Variants in GNAQ observed in about 807,000 individuals in gnomAD.
The protein encoded by GNAQ is G protein subunit alpha q.
GNAQ carries 8 observed loss-of-function variants against 43.9 expected under a neutral mutation model. That is an observed-to-expected ratio of 0.18 (90% CI 0.11 to 0.33). The LOEUF (loss-of-function observed/expected upper bound fraction) is 0.33, where lower values mean the gene tolerates loss of function less well. Ranked by LOEUF, GNAQ falls within the 10% of genes least tolerant of loss-of-function variation. GNAQ has a pLI of 1.00. For synonymous variants in GNAQ, 155 were observed against 170.7 expected (o/e 0.91, Z 0.71); for missense variants, 158 against 450.8 (o/e 0.35, Z 5.88).
At position 77,823,849 on chromosome 9, in the gene GNAQ, A is replaced by T. The variant is rs193195754; in HGVS notation, c.322-8079T>A. Among the ~76,000 whole-genome samples the T allele has an allele frequency of 1.7e-4, 26 of 152,310 alleles. No individual in the cohort carries two copies. The East Asian group carries it at 5.0e-3, about 29-fold the overall frequency. ...AATTTAAGATGAGGTTTGGGTGGGG[A>T]CACAGAGCCAAACCATATCAATGTT... is the stretch of plus-strand genomic sequence containing the variant. On this transcript the variant is annotated intron_variant, in intron 2 of 6. Transcript: ENST00000286548.
intron 2 of GNAQ, among the ~76,000 whole-genome samples, chr9:77,822,092 TA>T (rs1185702646): frequency 6.6e-6 from 1 of 152,170 alleles, no homozygotes; most frequent in Non-Finnish European, 1.5e-5. Context: ...ACAGAAGTTA[TA>T]AAAAGGCAAT....
chr9:77,957,124 C>T lies in GNAQ; in HGVS notation c.137-34779G>A, dbSNP rs1045987716. Among the ~76,000 whole-genome samples, 4 of 152,084 alleles carry T rather than the reference C, an allele frequency of 2.6e-5. No homozygotes were observed. The East Asian group carries it at 5.8e-4, about 22-fold the overall frequency. On this transcript the variant is annotated intron_variant, in intron 1 of 6. Coordinates refer to ENST00000286548, the MANE Select transcript of GNAQ (RefSeq NM_002072.5). ...CTGTCATCCTAGCACTTGGGGAGGC[C>T]GAGGCAGGCGGTCACGAGGTCAGAA...
At chr9:77,849,738 C>T (rs1251971055) in intron 2 of GNAQ, among the ~76,000 whole-genome samples, 1 of 152,172 alleles carries the variant, frequency 6.6e-6, no homozygotes, top group Non-Finnish European at 1.5e-5. Context: ...ACAATCATGG[C>T]TCACTGCAAC....
chr9:77,728,671 G>GAAAAAA lies in GNAQ; in HGVS notation c.736-10_736-5dup. On this transcript the variant is annotated splice_polypyrimidine_tract_variant and splice_region_variant and intron_variant, in intron 5 of 6. Coordinates refer to ENST00000286548, the MANE Select transcript of GNAQ (RefSeq NM_002072.5). ...CCTTGCTTTCCTCCATTCGGTTCTG[G>GAAAAAA]AAAAAAAAAAAAAATCAGAAAAAAC... is the stretch of plus-strand genomic sequence containing the variant. The GAAAAAA allele has an allele frequency of 7.5e-7, 1 of 1,328,526 alleles. No individual in the cohort carries two copies. The allele number at this position is 1,328,526 out of a possible 1,614,324, so 82.3% of individuals were successfully genotyped here. A position where few individuals can be genotyped will look rare whatever the true frequency, so the allele number is the denominator to read the frequency against.
rs1825255487 is a variant in GNAQ at position 77,718,302 on chromosome 9, A to G, written c.*3021T>C. ...CATGAGTAAACTTTGTTTTTATACAAAACTGAAAAGAATCCCGTCCCGCCC... is the reference window on the plus strand; with the variant it reads ...CATGAGTAAACTTTGTTTTTATACAGAACTGAAAAGAATCCCGTCCCGCCC... On this transcript the variant is annotated 3_prime_UTR_variant, in exon 7 of 7. Transcript: ENST00000286548. 4.3e-6 allele frequency: 1 copy of G among 232,590 alleles called. No individual in the cohort carries two copies. Among genetic ancestry groups the G allele is most frequent in the Non-Finnish European group, 8.5e-6 (1 of 117,648 alleles). The allele number at this position is 232,590 out of a possible 1,614,324, so 14.4% of individuals were successfully genotyped here.
At chr9:77,782,705 T>C (rs1379727051) in intron 5 of GNAQ, among the ~76,000 whole-genome samples, 1 of 152,242 alleles carries the variant, frequency 6.6e-6, no homozygotes, top group Non-Finnish European at 1.5e-5. Flanking sequence ...TAAATGTTTA[T>C]AGCTTCATTC....
In GNAQ at chr9:77,811,054, C is replaced by T. The variant is rs140148653; in HGVS notation, c.476+4562G>A. Among the ~76,000 whole-genome samples, 816 of 152,174 alleles carry T rather than the reference C, an allele frequency of 5.4e-3. 1 individual carries two copies. The highest frequency in any genetic ancestry group is 0.021 in the Middle Eastern group (6 of 292). On this transcript the variant is annotated intron_variant, in intron 3 of 6. Coordinates refer to ENST00000286548, the MANE Select transcript of GNAQ (RefSeq NM_002072.5). ...ACCACTAGAGTTGTGGAGAGAACTG[C>T]TACTACACTACAACCTTTAAGTAGG...
chr9:77,752,650 T>C (rs1397621191), intron 5 of GNAQ, among the ~76,000 whole-genome samples: 2 of 152,242 alleles, frequency 1.3e-5, no homozygotes, highest in Non-Finnish European at 2.9e-5. Context: ...CTCCTTGTGT[T>C]CTTAGATGGA....
intron 1 of GNAQ, among the ~76,000 whole-genome samples, chr9:78,021,045 C>CT (rs545575616): frequency 0.03 from 3,328 of 112,078 alleles, 127 homozygotes; most frequent in African/African-American, 0.042. Context: ...CAGGAAGCTG[C>CT]TTTTTTTTTT....
At chr9:77,831,570 C>A (rs1214522332) in intron 2 of GNAQ, among the ~76,000 whole-genome samples, 1 of 152,178 alleles carries the variant, frequency 6.6e-6, no homozygotes, top group Non-Finnish European at 1.5e-5. Flanking sequence ...TACTAGACAG[C>A]ATTCTGAGGA....
At position 77,972,450 on chromosome 9, in the gene GNAQ, A is replaced by G. The variant is rs574906626; in HGVS notation, c.137-50105T>C. Among the ~76,000 whole-genome samples, 6 of 152,246 alleles carry G rather than the reference A, an allele frequency of 3.9e-5. No homozygotes were observed. In the South Asian group the frequency reaches 1.0e-3, roughly 26 times the overall value. On this transcript the variant is annotated intron_variant, in intron 1 of 6. Coordinates refer to ENST00000286548, the MANE Select transcript of GNAQ (RefSeq NM_002072.5). ...TGTTCACAAAACAAATGCAAGTAAC[A>G]TCGGTTCCATTTTCAGGCAATTCAG... is the stretch of plus-strand genomic sequence containing the variant.
chr9:77,786,859 T>G (rs527807599), intron 5 of GNAQ, among the ~76,000 whole-genome samples: 1 of 152,360 alleles, frequency 6.6e-6, no homozygotes, highest in East Asian at 1.9e-4. Context: ...TACACCTATG[T>G]GCAACAAGAG....
chr9:77,741,201 T>C (rs991446468), intron 5 of GNAQ, among the ~76,000 whole-genome samples: 7 of 152,220 alleles, frequency 4.6e-5, no homozygotes, highest in Middle Eastern at 3.2e-3. Context: ...TGAATACTCA[T>C]ATGGCATGAG....
chr9:78,009,309 G>GCCA lies in GNAQ; in HGVS notation c.136+21788_136+21790dup, dbSNP rs146670150. ...CTGCCAGGGGTGCCACCCGCCACCT[G>GCCA]CCACCACCACCACCACCACCACAGC... is the stretch of plus-strand genomic sequence containing the variant. On this transcript the variant is annotated intron_variant, in intron 1 of 6. Coordinates refer to ENST00000286548, the MANE Select transcript of GNAQ (RefSeq NM_002072.5). Among the ~76,000 whole-genome samples, 454 of 152,032 alleles carry GCCA rather than the reference G, an allele frequency of 3.0e-3. 4 individuals are homozygous for GCCA. Among genetic ancestry groups the GCCA allele is most frequent in the African/African-American group, 9.3e-3 (386 of 41,466 alleles).
chr9:77,926,996 TCAAACA>T (rs1050462373), intron 1 of GNAQ, among the ~76,000 whole-genome samples: 65 of 152,266 alleles, frequency 4.3e-4, no homozygotes, highest in African/African-American at 1.5e-3. Context: ...AGAACAAACA[TCAAACA>T]CAAACTCAAT....
intron 5 of GNAQ, among the ~76,000 whole-genome samples, chr9:77,779,353 A>T (rs1826352060): frequency 6.6e-6 from 1 of 152,002 alleles, no homozygotes; most frequent in Non-Finnish European, 1.5e-5. Context: ...AAGTGTTTTG[A>T]ACTAAACGAA....
At chr9:77,846,242 T>C (rs986206238) in intron 2 of GNAQ, among the ~76,000 whole-genome samples, 3 of 152,188 alleles carry the variant, frequency 2.0e-5, no homozygotes, top group Non-Finnish European at 4.4e-5. Flanking sequence ...AATCAGGAGA[T>C]GTGTGGCAAG....
At chr9:77,772,582 A>G (rs6560615) in intron 5 of GNAQ, among the ~76,000 whole-genome samples, 1,871 of 152,330 alleles carry the variant, frequency 0.012, 41 homozygotes, top group African/African-American at 0.041. Flanking sequence ...AGCAGGTACA[A>G]TTCAGGACTG....
At chr9:77,750,024 GTC>G (rs1222512510) in intron 5 of GNAQ, among the ~76,000 whole-genome samples, 4 of 152,144 alleles carry the variant, frequency 2.6e-5, no homozygotes, top group African/African-American at 9.6e-5. Flanking sequence ...GGGCTAAAAA[GTC>G]TCTGTGGCCA....
Sources: allele counts gnomAD v4.1 joint callset (sites outside exome capture counted in the v4.1 genomes callset), GRCh38; gene constraint gnomAD v4.1.1; transcripts MANE v1.5; gene names NCBI Gene and HGNC (gene_info 2026-07-23, HGNC 2026-07-21).